The following SWI5 variants were observed in gnomAD, a reference collection of about 807,000 sequenced individuals.
SWI5 encodes the protein DNA repair protein SWI5 homolog.
A neutral mutation model predicts 17.0 loss-of-function variants in SWI5; 12 were observed. The observed-to-expected ratio is 0.71, with a 90% confidence interval of 0.45 to 1.14. The LOEUF is 1.14. Among genes scored for constraint, SWI5 ranks in the 50% most tolerant of loss-of-function variants. The pLI is 0.00. For missense variants in SWI5, 158 were observed against 162.2 expected, an observed-to-expected ratio of 0.97 and a Z score of 0.14; for synonymous variants, 61 against 64.0, an observed-to-expected ratio of 0.95 and a Z score of 0.22.
intron 2 of SWI5, among the ~76,000 whole-genome samples, chr9:128,277,443 A>C (rs764297875): frequency 6.6e-6 from 1 of 152,036 alleles, no homozygotes; most frequent in African/African-American, 2.4e-5. Flanking sequence ...AATCCCAACT[A>C]CTCAGGAGGC....
At position 128,288,636 on chromosome 9, in the gene SWI5, C is replaced by G. The variant is rs535531450; in HGVS notation, c.329-16C>G. On this transcript the variant is annotated splice_polypyrimidine_tract_variant and intron_variant, in intron 4 of 4. Transcript: ENST00000418976. ...CTCTCCCCACTGCACATTCAGCCTG[C>G]CTTCCTTCCTTTCAGCTGTGATCCG... 1 of 1,614,004 alleles carries G rather than the reference C, an allele frequency of 6.2e-7. No homozygotes were observed. The highest frequency in any genetic ancestry group is 8.5e-7 in the Non-Finnish European group (1 of 1,179,940).
At chr9:128,278,078 A>G (rs1342242188) in intron 2 of SWI5, among the ~76,000 whole-genome samples, 1 of 150,456 alleles carries the variant, frequency 6.6e-6, no homozygotes, top group Non-Finnish European at 1.5e-5. Context: ...TCAGCGTCCC[A>G]AATAGCTGGA....
At chr9:128,276,778 C>G in intron 2 of SWI5, 23 bp downstream of exon 2, 1 of 1,593,964 alleles carries the variant, frequency 6.3e-7, no homozygotes, top group Non-Finnish European at 8.6e-7. Context: ...TCCCCCACAC[C>G]CCCTTTCCCA....
chr9:128,282,727 G>A (rs1223129718), intron 2 of SWI5, among the ~76,000 whole-genome samples: 2 of 152,192 alleles, frequency 1.3e-5, no homozygotes, highest in South Asian at 2.1e-4. Context: ...CAGGAAGACC[G>A]TCTTCCTCGG....
At chr9:128,288,933 G>C (rs1831692325) in exon 5 of SWI5, 1 of 593,452 alleles carries the variant, frequency 1.7e-6, no homozygotes, top group Admixed American at 3.0e-5. Flanking sequence ...ATGTCGCAGT[G>C]ATACTTGTGT....
chr9:128,286,914 G>A (rs1464050604), intron 4 of SWI5, among the ~76,000 whole-genome samples: 1 of 152,010 alleles, frequency 6.6e-6, no homozygotes, highest in Non-Finnish European at 1.5e-5. Flanking sequence ...GGGAGGCCGA[G>A]GTAAGTGGAT....
chr9:128,279,397 T>C (rs532824849), intron 2 of SWI5, among the ~76,000 whole-genome samples: 1 of 152,116 alleles, frequency 6.6e-6, no homozygotes, highest in East Asian at 1.9e-4. Context: ...ACGCTGATAT[T>C]TACTGCATAC....
At chr9:128,281,480 C>T (rs530981814) in intron 2 of SWI5, among the ~76,000 whole-genome samples, 28 of 152,306 alleles carry the variant, frequency 1.8e-4, no homozygotes, top group African/African-American at 4.1e-4. Flanking sequence ...TTAGCTTCCT[C>T]GGAGAAGCCT....
At chr9:128,276,348 C>T (rs1831373630) in exon 1 of SWI5, 1 of 1,613,358 alleles carries the variant, frequency 6.2e-7, no homozygotes, top group Non-Finnish European at 8.5e-7. Flanking sequence ...GCGCTGGACC[C>T]TCTTGCGCCA....
At chr9:128,287,703 A>G (rs1258013072) in intron 4 of SWI5, among the ~76,000 whole-genome samples, 1 of 151,436 alleles carries the variant, frequency 6.6e-6, no homozygotes, top group Non-Finnish European at 1.5e-5. Flanking sequence ...CTGGGACTGC[A>G]GGCATCCACC....
upstream of SWI5, chr9:128,275,380 A>T (rs1831257307): frequency 3.1e-6 from 4 of 1,285,774 alleles, no homozygotes; most frequent in Non-Finnish European, 4.0e-6. Context: ...GGGGAACATC[A>T]GCGCGACGTC....
intron 2 of SWI5, among the ~76,000 whole-genome samples, chr9:128,276,971 A>G (rs2240960): frequency 6.6e-6 from 1 of 151,558 alleles, no homozygotes; most frequent in African/African-American, 2.4e-5. Context: ...GTCCTGTCCT[A>G]GGCTAACTCC....
chr9:128,276,117 A>T, upstream of SWI5: 1 of 1,567,598 alleles, frequency 6.4e-7, no homozygotes, highest in South Asian at 1.2e-5. Context: ...TTGGTCAATG[A>T]GAAATATGAA....
chr9:128,276,008 A>G (rs773197442), upstream of SWI5: 10 of 1,593,142 alleles, frequency 6.3e-6, no homozygotes, highest in Non-Finnish European at 7.7e-6. Flanking sequence ...TGCGGAAGTC[A>G]GTCAGCCACC....
intron 2 of SWI5, among the ~76,000 whole-genome samples, chr9:128,283,189 G>A (rs1479644470): frequency 6.6e-6 from 1 of 152,184 alleles, no homozygotes; most frequent in African/African-American, 2.4e-5. Flanking sequence ...AGGCATGGTG[G>A]TGGGCGCCTG....
intron 2 of SWI5, 45 bp from the exon 3 acceptor site, chr9:128,284,465 G>T (rs372645058): frequency 1.0e-5 from 16 of 1,600,536 alleles, no homozygotes; most frequent in Non-Finnish European, 1.3e-5. Context: ...GCTGTGAATT[G>T]TGGATAACTG....
chr9:128,277,981 C>T (rs1004229179), intron 2 of SWI5, among the ~76,000 whole-genome samples: 2 of 132,498 alleles, frequency 1.5e-5, no homozygotes, highest in Admixed American at 8.1e-5. Flanking sequence ...GAGACACAGT[C>T]GCACTCTGTC....
At chr9:128,278,532 C>G in intron 2 of SWI5, 1 of 430,230 alleles carries the variant, frequency 2.3e-6, no homozygotes, top group Non-Finnish European at 4.7e-6. Flanking sequence ...ACCCTGCACT[C>G]CAGCCTGGGC....
At chr9:128,276,846 C>G in intron 2 of SWI5, 91 bp downstream of exon 2, 1 of 1,312,222 alleles carries the variant, frequency 7.6e-7, no homozygotes, top group Non-Finnish European at 1.1e-6. Context: ...AGCAGCCAAT[C>G]CCCGCTTGGC....
Sources: allele counts gnomAD v4.1 joint callset (sites outside exome capture counted in the v4.1 genomes callset), GRCh38; gene constraint gnomAD v4.1.1; transcripts MANE v1.5; gene names NCBI Gene and HGNC (gene_info 2026-07-23, HGNC 2026-07-21).